The following DIXDC1 variants were observed in gnomAD, a reference collection of about 807,000 sequenced individuals.
The protein encoded by DIXDC1 is dixin.
A neutral mutation model predicts 103.1 loss-of-function variants in DIXDC1; 64 were observed. The observed-to-expected ratio is 0.62, with a 90% CI of 0.51 to 0.76. The LOEUF (loss-of-function observed/expected upper bound fraction) is 0.76. Ranked by LOEUF, DIXDC1 falls within the 30% of genes least tolerant of loss-of-function variation. The pLI, the probability that DIXDC1 is intolerant of heterozygous loss-of-function variation, is 0.00. For missense variants in DIXDC1, 759 were observed against 834.2 expected (o/e 0.91, Z 1.11); for synonymous variants, 266 against 298.5 (o/e 0.89, Z 1.12).
intron 10 of DIXDC1, 147 bp from the exon 11 acceptor site, chr11:111,992,268 C>T: frequency 3.1e-6 from 2 of 646,186 alleles, no homozygotes; most frequent in East Asian, 2.9e-5. Flanking sequence ...CCCTCCTCAG[C>T]AACTCGTGGC....
At chr11:111,946,169 T>C (rs1295199947) in intron 1 of DIXDC1, among the ~76,000 whole-genome samples, 2 of 147,212 alleles carry the variant, frequency 1.4e-5, no homozygotes, top group Non-Finnish European at 3.0e-5. Context: ...ACTGCAGTGG[T>C]GCGATCTCGG....
chr11:112,005,024 T>A (rs1295389675), intron 17 of DIXDC1, among the ~76,000 whole-genome samples: 2 of 152,148 alleles, frequency 1.3e-5, no homozygotes, highest in African/African-American at 4.8e-5. Context: ...GCGAAAGCAG[T>A]CAACAGAATC....
At chr11:111,930,815 T>C (rs913271698) in intron 2 of DIXDC1, among the ~76,000 whole-genome samples, 20 of 148,406 alleles carry the variant, frequency 1.3e-4, no homozygotes, top group African/African-American at 5.2e-4. Context: ...CTGAGCAACA[T>C]AGTGAGACCC....
intron 17 of DIXDC1, among the ~76,000 whole-genome samples, chr11:112,005,713 C>T (rs1253714325): frequency 2.0e-5 from 3 of 152,026 alleles, no homozygotes; most frequent in Non-Finnish European, 4.4e-5. Flanking sequence ...CTGTCCTCTC[C>T]CGTCCCCCCC....
chr11:111,959,119 G>A (rs879980504), intron 1 of DIXDC1, among the ~76,000 whole-genome samples: 1 of 152,208 alleles, frequency 6.6e-6, no homozygotes, highest in Non-Finnish European at 1.5e-5. Flanking sequence ...TGGATGCAGG[G>A]CAGGAACTTG....
At position 111,986,729 on chromosome 11, in the gene DIXDC1, C is replaced by G. The variant is rs1860503451; in HGVS notation, c.1009-142C>G. The G allele has an allele frequency of 3.1e-5, 18 of 578,348 alleles. No homozygotes were observed. The South Asian group carries it at 4.7e-4, about 15-fold the overall frequency. 35.8% of individuals were successfully genotyped at this position (578,348 alleles called of 1,614,324 possible). A position where few individuals can be genotyped will look rare whatever the true frequency, so the allele number is the denominator to read the frequency against. On this transcript the variant is annotated intron_variant, in intron 8 of 19. Coordinates refer to ENST00000440460, the MANE Select transcript of DIXDC1 (RefSeq NM_001037954.4). ...TGCTACTTGATGCATATACTTACAT[C>G]AGAGAGCAGGAACTGTTTCCTGTTC...
chr11:111,927,791 C>A (rs1286807714), intron 1 of DIXDC1, among the ~76,000 whole-genome samples: 1 of 151,540 alleles, frequency 6.6e-6, no homozygotes, highest in African/African-American at 2.4e-5. Flanking sequence ...CTGAGGCGGG[C>A]GGATCACTGA....
rs587737607 is a variant in DIXDC1, at chr11:112,019,284, A to C, written c.*248A>C. 1 of 333,228 alleles carries C rather than the reference A, an allele frequency of 3.0e-6. No homozygotes were observed. Among genetic ancestry groups the C allele is most frequent in the African/African-American group, 2.1e-5 (1 of 48,460 alleles). The allele number at this position is 333,228 out of a possible 1,614,324, so 20.6% of individuals were successfully genotyped here. ...CTTGTCCGTGGGAACACAGTGTTCTATTCTACTCTGAGGACAACAAACCGA... is the reference window on the plus strand; with the variant it reads ...CTTGTCCGTGGGAACACAGTGTTCTCTTCTACTCTGAGGACAACAAACCGA... On this transcript the variant is annotated 3_prime_UTR_variant, in exon 20 of 20. Transcript: ENST00000440460.
At chr11:112,018,906 T>C (rs1555178074) in intron 19 of DIXDC1, 50 bp from the exon 20 acceptor site, 1 of 1,502,666 alleles carries the variant, frequency 6.7e-7, no homozygotes, top group Admixed American at 1.7e-5. Flanking sequence ...AATTGTTTAG[T>C]GAATCAGATT....
intron 1 of DIXDC1, among the ~76,000 whole-genome samples, chr11:111,950,784 G>A (rs1966779314): frequency 1.3e-5 from 2 of 152,090 alleles, no homozygotes. Context: ...TGGGGTACAT[G>A]AGGTATTGTG....
chr11:111,992,962 G>A lies in DIXDC1; in HGVS notation c.1230G>A (p.Gln410=). The change falls in exon 12 of 20, where the codon CAG becomes CAA. Residue 410 remains glutamine (Q), a synonymous_variant. Transcript: ENST00000440460. Reference sequence around the variant, plus strand: ...TCTTATTCTTGCAGGTGGATCTGCAGAGGAAGCTAGATGAGAGGAACCGGC... The same window carrying A: ...TCTTATTCTTGCAGGTGGATCTGCAAAGGAAGCTAGATGAGAGGAACCGGC... ...DELHNQNVDL[Q]RKLDERNRLL... 6.2e-7 allele frequency: 1 copy of A among 1,608,392 alleles called. No individual in the cohort carries two copies. Among genetic ancestry groups the A allele is most frequent in the South Asian group, 1.1e-5 (1 of 89,292 alleles).
upstream of DIXDC1, among the ~76,000 whole-genome samples, chr11:111,936,079 T>A (rs891150777): frequency 3.9e-5 from 6 of 152,220 alleles, no homozygotes; most frequent in Non-Finnish European, 8.8e-5. Flanking sequence ...AAGGTACTAA[T>A]CAGGATTTGA....
intron 1 of DIXDC1, among the ~76,000 whole-genome samples, chr11:111,951,603 C>T (rs587668011): frequency 1.1e-4 from 16 of 152,216 alleles, no homozygotes; most frequent in African/African-American, 3.9e-4. Flanking sequence ...GGCTATGTCC[C>T]CACCCAAATC....
At position 112,020,959 on chromosome 11, in the gene DIXDC1, A is replaced by G. The variant is rs1861739493; in HGVS notation, c.*1923A>G. The stretch of plus-strand genomic sequence containing the variant: ...TGGAGAAAAAGTCCTCATGTCACCA[A>G]TTTCTCTGTTGCATGAATTTTAGTG... On this transcript the variant is annotated 3_prime_UTR_variant, in exon 20 of 20. Transcript: ENST00000440460. The G allele has an allele frequency of 6.6e-6, 1 of 152,206 alleles. No individual in the cohort carries two copies. Among genetic ancestry groups the G allele is most frequent in the Non-Finnish European group, 1.5e-5 (1 of 68,028 alleles). The allele number at this position is 152,206 out of a possible 1,614,324, so 9.4% of individuals were successfully genotyped here.
intron 1 of DIXDC1, among the ~76,000 whole-genome samples, chr11:111,948,367 G>A (rs144151563): frequency 2.2e-4 from 33 of 152,104 alleles, no homozygotes; most frequent in African/African-American, 7.7e-4. Context: ...CTTATCCACT[G>A]TCTCTTAATT....
Position 112,016,713 on chromosome 11 carries a change from T to G in DIXDC1, c.1779T>G (p.Ser593=). The change falls in exon 18 of 20, where the codon TCT becomes TCG. Residue 593 remains serine (S), a synonymous_variant. Coordinates refer to ENST00000440460, the MANE Select transcript of DIXDC1 (RefSeq NM_001037954.4). ...TAGAGTTGCCTCACTCACAGAGCTC[T>G]CCAACTGTCAGCAGCACCTGTACTA... is the stretch of plus-strand genomic sequence containing the variant. ...PNSKLPHSQS[S]PTVSSTCTKV... The G allele has an allele frequency of 6.2e-7, 1 of 1,606,458 alleles. No individual in the cohort carries two copies. Among genetic ancestry groups the G allele is most frequent in the Non-Finnish European group, 8.5e-7 (1 of 1,176,190 alleles).
chr11:112,019,080 T>C lies in DIXDC1; in HGVS notation c.*44T>C, dbSNP rs1861681791. The C allele has an allele frequency of 6.5e-7, 1 of 1,545,068 alleles. No individual in the cohort carries two copies. The highest frequency in any genetic ancestry group is 1.7e-5 in the Admixed American group (1 of 57,456). On this transcript the variant is annotated 3_prime_UTR_variant, in exon 20 of 20. Coordinates refer to ENST00000440460, the MANE Select transcript of DIXDC1 (RefSeq NM_001037954.4). ...GGGCTTATGGAACCTGGTCACTCCCTGGCTGCTTCACTCAGGAAAGGGAAC... is the reference window on the plus strand; with the variant it reads ...GGGCTTATGGAACCTGGTCACTCCCCGGCTGCTTCACTCAGGAAAGGGAAC...
Position 111,980,785 on chromosome 11 carries a change from A to G in DIXDC1, c.705A>G (p.Ile235Met), listed in dbSNP as rs1555173165. ...PIHSAKSESI[I>M]TQSEEKADFV... ...ACAGTGCAAAGAGCGAGTCCATTATAACCCAGTCAGAAGAGAAGGCAGATT... is the reference window on the plus strand; with the variant it reads ...ACAGTGCAAAGAGCGAGTCCATTATGACCCAGTCAGAAGAGAAGGCAGATT... The change falls in exon 6 of 20, where the codon ATA becomes ATG. Residue 235 changes from isoleucine to methionine, a missense_variant. By Grantham distance (10) the Ile-to-Met change is conservative (BLOSUM62 1). Coordinates refer to ENST00000440460, the MANE Select transcript of DIXDC1 (RefSeq NM_001037954.4). The G allele has an allele frequency of 2.5e-6, 4 of 1,613,912 alleles. No homozygotes were observed. The highest frequency in any genetic ancestry group is 2.2e-5 in the South Asian group (2 of 91,088).
intron 17 of DIXDC1, among the ~76,000 whole-genome samples, chr11:112,012,409 C>T (rs759818685): frequency 1.3e-5 from 2 of 152,158 alleles, no homozygotes; most frequent in Admixed American, 6.6e-5. Flanking sequence ...AAAATAGACA[C>T]ATTTTACCAG....
Sources: gnomAD v4.1 joint callset for allele counts (sites outside exome capture counted in the v4.1 genomes callset) on GRCh38, gnomAD v4.1.1 for gene constraint, MANE v1.5 for transcripts, NCBI Gene and HGNC (gene_info 2026-07-23, HGNC 2026-07-21) for gene names.